The following DLL4 variants were observed in gnomAD, a reference collection of about 807,000 sequenced individuals.
The protein encoded by DLL4 is delta-like protein 4.
DLL4 carries 7 observed loss-of-function variants against 73.6 expected under a neutral mutation model. The observed-to-expected ratio is 0.10, with a 90% confidence interval of 0.05 to 0.18. DLL4 has a LOEUF of 0.18. Ranked by LOEUF, DLL4 falls within the 10% of genes least tolerant of loss-of-function variation. The probability of loss-of-function intolerance (pLI) is 1.00; values close to 1 mark genes in which losing one functional copy is unlikely to be tolerated. For synonymous variants in DLL4, 345 were observed against 374.3 expected (o/e 0.92, Z 0.90); for missense variants, 614 against 929.9 (o/e 0.66, Z 4.42).
chr15:40,930,886 G>C lies in DLL4; in HGVS notation c.394+204G>C, dbSNP rs1892760131. 1 of 615,416 alleles carries C rather than the reference G, an allele frequency of 1.6e-6. No homozygotes were observed. Among genetic ancestry groups the C allele is most frequent in the Non-Finnish European group, 2.8e-6 (1 of 352,712 alleles). The allele number at this position is 615,416 out of a possible 1,614,324, so 38.1% of individuals were successfully genotyped here. On this transcript the variant is annotated intron_variant, in intron 3 of 10. Transcript: ENST00000249749. This position sits in a 1 kb window ranked among gnomAD's most constrained non-coding sequence, Gnocchi z 5.7. ...ATTGCGTTTCCTGCGGGTTATTTTTGGCGTGGGAACGCGGGGAGTACGGCG... is the reference window on the plus strand; with the variant it reads ...ATTGCGTTTCCTGCGGGTTATTTTTCGCGTGGGAACGCGGGGAGTACGGCG...
At chr15:40,935,398 C>G (rs987693623) in intron 8 of DLL4, among the ~76,000 whole-genome samples, 6 of 152,210 alleles carry the variant, frequency 3.9e-5, no homozygotes, top group African/African-American at 1.4e-4. Flanking sequence ...CTGACCCTCC[C>G]CAGGAAGTCC....
chr15:40,934,657 C>A lies in DLL4; in HGVS notation c.960C>A (p.Asp320Glu). 1 of 1,613,924 alleles carries A rather than the reference C, an allele frequency of 6.2e-7. No homozygotes were observed. The highest frequency in any genetic ancestry group is 8.5e-7 in the Non-Finnish European group (1 of 1,179,882). ...GTCGCCCAGGCTACACTGGTGTGGA[C>A]TGTGAGCTGGAGCTCAGCGAGTGTG... ...CTCRPGYTGVDCELELSECDS... is the reference protein window; with the variant it reads ...CTCRPGYTGVECELELSECDS... Residue 320 changes from aspartate (D) to glutamate (E), a missense_variant, in exon 7 of 11, where the codon GAC becomes GAA. Physicochemically the swap from Asp to Glu is conservative, Grantham distance 45. This residue lies in a region of DLL4 where 386 missense variants were observed against 541.3 expected (regional missense o/e 0.71). Transcript: ENST00000249749.
In DLL4 at chr15:40,930,830, G is replaced by C; in HGVS notation, c.394+148G>C. 1 of 773,774 alleles carries C rather than the reference G, an allele frequency of 1.3e-6. No homozygotes were observed. The highest frequency in any genetic ancestry group is 2.1e-6 in the Non-Finnish European group (1 of 478,288). The allele number at this position is 773,774 out of a possible 1,614,324, so 47.9% of individuals were successfully genotyped here. ...AGCTGCGCCCCGCGCTGGACGCTCG[G>C]ATTCCGCTCGCTGCCTGGACTCAGA... is the stretch of plus-strand genomic sequence containing the variant. On this transcript the variant is annotated intron_variant, in intron 3 of 10. Transcript: ENST00000249749. This position sits in a 1 kb window ranked among gnomAD's most constrained non-coding sequence, Gnocchi z 5.7.
Position 40,931,781 on chromosome 15 carries a change from T to A in DLL4, c.658+15T>A. On this transcript the variant is annotated intron_variant, in intron 4 of 10. Coordinates refer to ENST00000249749, the MANE Select transcript of DLL4 (RefSeq NM_019074.4). ...TTGCCAACAGCGTAAGCAGTCAAGC[T>A]CCCACCTGTGTGGAAGGGGAGGGTC... The A allele has an allele frequency of 6.2e-7, 1 of 1,612,670 alleles. No homozygotes were observed. The highest frequency in any genetic ancestry group is 8.5e-7 in the Non-Finnish European group (1 of 1,179,374).
intron 6 of DLL4, among the ~76,000 whole-genome samples, chr15:40,933,830 A>G (rs1330848014): frequency 6.6e-6 from 1 of 152,110 alleles, no homozygotes; most frequent in Non-Finnish European, 1.5e-5. Flanking sequence ...CATGATTTTC[A>G]TCCTGGCTAA....
At chr15:40,933,897 G>A (rs1357097700) in intron 6 of DLL4, among the ~76,000 whole-genome samples, 1 of 151,838 alleles carries the variant, frequency 6.6e-6, no homozygotes, top group Non-Finnish European at 1.5e-5. Flanking sequence ...GTGGTGGCAG[G>A]CACCTGTAGC....
At chr15:40,931,298 G>A in intron 3 of DLL4, 1 of 612,590 alleles carries the variant, frequency 1.6e-6, no homozygotes. Flanking sequence ...CAGGCCCCCT[G>A]CACATGCACA....
At position 40,936,843 on chromosome 15, in the gene DLL4, C is replaced by T. The variant is rs865908208; in HGVS notation, c.1856C>T (p.Pro619Leu). The change falls in exon 9 of 11, where the codon CCA (proline) becomes CTA (leucine). Residue 619 changes from proline to leucine, a missense_variant. By Grantham distance (98) the Pro-to-Leu change is moderately conservative (BLOSUM62 -3). Coordinates refer to ENST00000249749, the MANE Select transcript of DLL4 (RefSeq NM_019074.4). ...QNHTLDYNLAPGPLGRGTMPG... is the reference protein window; with the variant it reads ...QNHTLDYNLALGPLGRGTMPG... ...CACACATTGGACTATAATCTGGCCC[C>T]AGGGCCCCTGGGGCGGGGGACCATG... 2 of 1,613,276 alleles carry T rather than the reference C, an allele frequency of 1.2e-6. No individual in the cohort carries two copies. The highest frequency in any genetic ancestry group is 1.7e-6 in the Non-Finnish European group (2 of 1,179,874).
At position 40,930,189 on chromosome 15, in the gene DLL4, C is replaced by T. The variant is rs186551124; in HGVS notation, c.336+73C>T. 3.8e-3 allele frequency: 5,843 copies of T among 1,527,842 alleles called. 34 individuals carry two copies. Among genetic ancestry groups the T allele is most frequent in the South Asian group, 0.017 (1,398 of 82,514 alleles). 94.6% of individuals were successfully genotyped at this position (1,527,842 alleles called of 1,614,324 possible). A position where few individuals can be genotyped will look rare whatever the true frequency, so the allele number is the denominator to read the frequency against. ...AGGCGCCCTGGGACCAAAGCCCCCTCCCCAGATTTCCTTGTACACACACCC... is the reference window on the plus strand; with the variant it reads ...AGGCGCCCTGGGACCAAAGCCCCCTTCCCAGATTTCCTTGTACACACACCC... On this transcript the variant is annotated intron_variant, in intron 2 of 10. Transcript: ENST00000249749. The surrounding 1 kb of genome is among the most constrained non-coding windows in gnomAD (Gnocchi z 5.7).
intron 3 of DLL4, chr15:40,931,121 G>T: frequency 2.7e-6 from 1 of 373,856 alleles, no homozygotes; most frequent in East Asian, 4.8e-5. Flanking sequence ...ACCCCTGAAT[G>T]GGCACCAAAG....
intron 10 of DLL4, among the ~76,000 whole-genome samples, 179 bp downstream of exon 10, chr15:40,937,705 T>C (rs1873166302): frequency 6.6e-6 from 1 of 152,166 alleles, no homozygotes; most frequent in South Asian, 2.1e-4. Flanking sequence ...ACAGGAACCA[T>C]GGCGGCAAGC....
chr15:40,930,181 AG>A lies in DLL4; in HGVS notation c.336+66del. ...GAGAGAGGAGGCGCCCTGGGACCAAAGCCCCCTCCCCAGATTTCCTTGTACA... is the reference window on the plus strand; with the variant it reads ...GAGAGAGGAGGCGCCCTGGGACCAAACCCCCTCCCCAGATTTCCTTGTACA... On this transcript the variant is annotated intron_variant, in intron 2 of 10. Coordinates refer to ENST00000249749, the MANE Select transcript of DLL4 (RefSeq NM_019074.4). The surrounding 1 kb of genome is among the most constrained non-coding windows in gnomAD (Gnocchi z 5.7). 3 of 1,548,178 alleles carry A rather than the reference AG, an allele frequency of 1.9e-6. No homozygotes were observed. The highest frequency in any genetic ancestry group is 2.6e-6 in the Non-Finnish European group (3 of 1,145,700).
In DLL4 at chr15:40,930,858, A is replaced by C. The variant is rs1207050857; in HGVS notation, c.394+176A>C. On this transcript the variant is annotated intron_variant, in intron 3 of 10. Coordinates refer to ENST00000249749, the MANE Select transcript of DLL4 (RefSeq NM_019074.4). The surrounding 1 kb of genome is among the most constrained non-coding windows in gnomAD (Gnocchi z 5.7). ...TCCGCTCGCTGCCTGGACTCAGAGC[A>C]CAATTGCGTTTCCTGCGGGTTATTT... 2 of 654,512 alleles carry C rather than the reference A, an allele frequency of 3.1e-6. No individual in the cohort carries two copies. Among genetic ancestry groups the C allele is most frequent in the African/African-American group, 3.7e-5 (2 of 54,742 alleles). 40.5% of individuals were successfully genotyped at this position (654,512 alleles called of 1,614,324 possible). A position where few individuals can be genotyped will look rare whatever the true frequency, so the allele number is the denominator to read the frequency against.
chr15:40,931,097 C>T, intron 3 of DLL4: 4 of 372,758 alleles, frequency 1.1e-5, no homozygotes. Context: ...CCATTACCCA[C>T]CTCTGGAGGC....
At position 40,930,263 on chromosome 15, in the gene DLL4, C is replaced by G. The variant is rs1892746744; in HGVS notation, c.336+147C>G. On this transcript the variant is annotated intron_variant, in intron 2 of 10. Coordinates refer to ENST00000249749, the MANE Select transcript of DLL4 (RefSeq NM_019074.4). This position sits in a 1 kb window ranked among gnomAD's most constrained non-coding sequence, Gnocchi z 5.7. ...CATTCTTTCCTGGCTCTTCCCGACT[C>G]TCTCCTGAGACTGATCCCAGAAAAG... 7 of 1,022,868 alleles carry G rather than the reference C, an allele frequency of 6.8e-6. No homozygotes were observed. Among genetic ancestry groups the G allele is most frequent in the Middle Eastern group, 6.2e-4 (2 of 3,222 alleles). The allele number at this position is 1,022,868 out of a possible 1,614,324, so 63.4% of individuals were successfully genotyped here. A position where few individuals can be genotyped will look rare whatever the true frequency, so the allele number is the denominator to read the frequency against.
At chr15:40,931,457 T>G (rs750770211) in intron 3 of DLL4, 46 bp from the exon 4 acceptor site, 2 of 1,576,530 alleles carry the variant, frequency 1.3e-6, no homozygotes, top group South Asian at 2.3e-5. Flanking sequence ...ACTGGCACCC[T>G]TGGGGACTGG....
chr15:40,933,268 T>TTGTGTGTGTGTG (rs113508793), intron 6 of DLL4, among the ~76,000 whole-genome samples: 1 of 147,344 alleles, frequency 6.8e-6, no homozygotes, highest in African/African-American at 2.5e-5. Context: ...AGTCCCTGTG[T>TTGTGTGTGTGTG]TGTGTGTGTG....
chr15:40,934,576 A>G lies in DLL4; in HGVS notation c.879A>G (p.Pro293=), dbSNP rs746888972. 1.2e-6 allele frequency: 2 copies of G among 1,613,720 alleles called. No homozygotes were observed. The highest frequency in any genetic ancestry group is 1.7e-6 in the Non-Finnish European group (2 of 1,179,844). The stretch of plus-strand genomic sequence containing the variant: ...TCAACTACTGCACCCACCACTCCCC[A>G]TGCAAGAATGGGGCAACGTGCTCCA... The part of the protein sequence containing the change: ...QDLNYCTHHS[P]CKNGATCSNS... Residue 293 remains proline, a synonymous_variant, in exon 7 of 11, where the codon CCA becomes CCG. Coordinates refer to ENST00000249749, the MANE Select transcript of DLL4 (RefSeq NM_019074.4).
chr15:40,929,686 G>A lies in DLL4; in HGVS notation c.18G>A (p.Arg6=), dbSNP rs750469977. 22 of 1,566,260 alleles carry A rather than the reference G, an allele frequency of 1.4e-5. No individual in the cohort carries two copies. In the African/African-American group the frequency reaches 2.7e-4, roughly 20 times the overall value. Residue 6 remains arginine, a synonymous_variant, in exon 1 of 11, where the codon CGG becomes CGA. Transcript: ENST00000249749. The surrounding 1 kb of genome is among the most constrained non-coding windows in gnomAD (Gnocchi z 7.1). The part of the protein sequence containing the change: MAAAS[R]SASGWALLLL... ...CCGAGGGGATGGCGGCAGCGTCCCGGAGCGCCTCTGGCTGGGCGCTACTGC... is the reference window on the plus strand; with the variant it reads ...CCGAGGGGATGGCGGCAGCGTCCCGAAGCGCCTCTGGCTGGGCGCTACTGC...
Sources: allele counts gnomAD v4.1 joint callset (sites outside exome capture counted in the v4.1 genomes callset), GRCh38; gene constraint gnomAD v4.1.1; regional missense constraint gnomAD v4.1.1; non-coding constraint Gnocchi (gnomAD v3.1); transcripts MANE v1.5; gene names NCBI Gene and HGNC (gene_info 2026-07-23, HGNC 2026-07-21).